Variants in FAM184B observed in about 807,000 individuals in gnomAD.
FAM184B encodes family with sequence similarity 184 member B.
Under a neutral mutation model 135.9 loss-of-function variants are expected in FAM184B, and 111 were observed. That is an observed-to-expected ratio of 0.82 (90% CI 0.70 to 0.96). FAM184B has a LOEUF of 0.96. Among genes scored for constraint, FAM184B ranks in the 40% least tolerant of loss-of-function variants. FAM184B has a pLI of 0.00. For missense variants in FAM184B, 1,375 were observed against 1,323.9 expected, an observed-to-expected ratio of 1.04 and a Z score of -0.60; for synonymous variants, 552 against 524.8, an observed-to-expected ratio of 1.05 and a Z score of -0.71.
intron 1 of FAM184B, among the ~76,000 whole-genome samples, chr4:17,749,752 G>A (rs1485541882): frequency 6.6e-6 from 1 of 152,038 alleles, no homozygotes; most frequent in Non-Finnish European, 1.5e-5. Context: ...TCAGTACAAA[G>A]GAATAGTCAT....
intron 1 of FAM184B, among the ~76,000 whole-genome samples, chr4:17,778,056 G>A (rs1271168467): frequency 6.6e-6 from 1 of 151,468 alleles, no homozygotes; most frequent in Non-Finnish European, 1.5e-5. Flanking sequence ...GGGTGACGTA[G>A]TGAGACACTG....
rs1184909816 is a variant in FAM184B, at chr4:17,708,969, C to T, written c.817G>A (p.Glu273Lys). 1.9e-5 allele frequency: 30 copies of T among 1,550,682 alleles called. No homozygotes were observed. The highest frequency in any genetic ancestry group is 2.6e-5 in the Non-Finnish European group (30 of 1,146,778). Residue 273 changes from glutamate to lysine, a missense_variant, in exon 2 of 18, where the codon GAA becomes AAA. Transcript: ENST00000265018. ...SALQAQVRKLEGDLEHRGRKI... is the reference protein window; with the variant it reads ...SALQAQVRKLKGDLEHRGRKI... ...CGGCCTCTGTGCTCCAGGTCTCCTT[C>T]CAGCTTCCGGACCTGAGCCTGCAGG...
intron 1 of FAM184B, among the ~76,000 whole-genome samples, chr4:17,727,644 T>C (rs570575536): frequency 4.6e-5 from 7 of 152,178 alleles, no homozygotes; most frequent in Non-Finnish European, 1.0e-4. Context: ...CATCAGATCT[T>C]GTGAGAACTC....
chr4:17,633,814 CAG>C lies in FAM184B; in HGVS notation c.2962_2963del (p.Leu988GlufsTer9), dbSNP rs1560162235. 5.8e-6 allele frequency: 9 copies of C among 1,551,560 alleles called. No individual in the cohort carries two copies. In the East Asian group the frequency reaches 7.3e-5, roughly 13 times the overall value. On this transcript the variant is annotated frameshift_variant, in exon 17 of 18. Transcript: ENST00000265018. LOFTEE classifies it high-confidence loss of function. ...PNLASYAKNF[L>X]SGDLSSRINA... ...TAATCCTGGAACTCAGATCGCCACT[CAG>C]AAAGTTCTTTGCATAGGAGGCGAGG...
chr4:17,748,103 G>GAA (rs58795222), intron 1 of FAM184B, among the ~76,000 whole-genome samples: 1,876 of 69,986 alleles, frequency 0.027, 106 homozygotes, highest in African/African-American at 0.092. Context: ...GACTCCGTCT[G>GAA]AAAAAAAAAA....
chr4:17,638,034 T>C (rs1472800555), intron 14 of FAM184B, among the ~76,000 whole-genome samples: 2 of 151,526 alleles, frequency 1.3e-5, no homozygotes, highest in East Asian at 3.9e-4. Flanking sequence ...TCCTTGTACT[T>C]AAACATCACC....
intron 1 of FAM184B, among the ~76,000 whole-genome samples, chr4:17,718,442 A>G (rs1717444629): frequency 6.6e-6 from 1 of 152,216 alleles, no homozygotes; most frequent in Non-Finnish European, 1.5e-5. Context: ...AGAACAAATA[A>G]GACCATTCTG....
chr4:17,648,371 G>A (rs565767228), intron 11 of FAM184B, among the ~76,000 whole-genome samples: 44 of 152,006 alleles, frequency 2.9e-4, no homozygotes, highest in Middle Eastern at 6.8e-3. Context: ...TTTTGAGATG[G>A]AGTCTCGGTT....
At position 17,693,399 on chromosome 4, in the gene FAM184B, T is replaced by G. The variant is rs943722402; in HGVS notation, c.1391A>C (p.Gln464Pro). Reference protein sequence around the residue: ...RKKLQREVEAQLEEVRKKSEK... With the variant: ...RKKLQREVEAPLEEVRKKSEK... ...TGATTTCTTCCTCACTTCCTCCAAC[T>G]GTGCTTCTACTTCCTAAATGATGAT... Residue 464 changes from glutamine (Q) to proline (P), a missense_variant, in exon 6 of 18, where the codon CAG becomes CCG. Gln to Pro is a moderately conservative substitution (Grantham distance 76, BLOSUM62 -1). Transcript: ENST00000265018. 2 of 1,551,476 alleles carry G rather than the reference T, an allele frequency of 1.3e-6. No individual in the cohort carries two copies. The highest frequency in any genetic ancestry group is 2.7e-5 in the African/African-American group (2 of 73,046).
In FAM184B at chr4:17,631,812, G is replaced by T. The variant is rs1577237035; in HGVS notation, c.*720C>A. On this transcript the variant is annotated 3_prime_UTR_variant, in exon 18 of 18. Coordinates refer to ENST00000265018, the MANE Select transcript of FAM184B (RefSeq NM_015688.2). ...ATTTGTCTTCCTATTGAGGTTAGAT[G>T]TGCATTTTGGAATTGCATCATTTTA... 1.3e-5 allele frequency: 2 copies of T among 152,230 alleles called. No individual in the cohort carries two copies. Among genetic ancestry groups the T allele is most frequent in the Admixed American group, 1.3e-4 (2 of 15,288 alleles). The allele number at this position is 152,230 out of a possible 1,614,324, so 9.4% of individuals were successfully genotyped here.
chr4:17,759,071 T>G (rs1193804569), intron 1 of FAM184B, among the ~76,000 whole-genome samples: 2 of 152,214 alleles, frequency 1.3e-5, no homozygotes, highest in East Asian at 3.8e-4. Flanking sequence ...CCTTTGAGAT[T>G]CTAAAGAAGT....
At chr4:17,705,576 G>T (rs1717090690) in intron 4 of FAM184B, among the ~76,000 whole-genome samples, 176 bp downstream of exon 4, 1 of 152,206 alleles carries the variant, frequency 6.6e-6, no homozygotes, top group Non-Finnish European at 1.5e-5. Flanking sequence ...CAGTCTCCTG[G>T]TTTCCAGTAG....
chr4:17,740,820 T>C (rs1387165879), intron 1 of FAM184B, among the ~76,000 whole-genome samples: 1 of 152,236 alleles, frequency 6.6e-6, no homozygotes, highest in African/African-American at 2.4e-5. Flanking sequence ...TTTTATGTGG[T>C]GTCTTTCTTT....
intron 7 of FAM184B, among the ~76,000 whole-genome samples, chr4:17,670,089 T>A (rs143519420): frequency 6.6e-6 from 1 of 152,242 alleles, no homozygotes; most frequent in East Asian, 1.9e-4. Context: ...TAGAAAGCAA[T>A]AAGAAGGTAG....
chr4:17,761,980 G>T (rs1012521168), intron 1 of FAM184B, among the ~76,000 whole-genome samples: 1 of 152,084 alleles, frequency 6.6e-6, no homozygotes, highest in Non-Finnish European at 1.5e-5. Context: ...GATCTCAGGC[G>T]CTCTCTCTTT....
At chr4:17,670,787 G>A (rs963475853) in intron 7 of FAM184B, among the ~76,000 whole-genome samples, 4 of 152,142 alleles carry the variant, frequency 2.6e-5, no homozygotes, top group Non-Finnish European at 4.4e-5. Flanking sequence ...GCCACTGGAG[G>A]GTGGCACAAA....
intron 1 of FAM184B, among the ~76,000 whole-genome samples, chr4:17,733,310 C>A (rs1316611385): frequency 3.9e-5 from 6 of 152,176 alleles, no homozygotes; most frequent in Non-Finnish European, 7.3e-5. Context: ...CACTACTATT[C>A]AACATAGTGT....
intron 1 of FAM184B, among the ~76,000 whole-genome samples, chr4:17,719,380 C>A (rs1306993762): frequency 1.3e-5 from 2 of 152,196 alleles, no homozygotes; most frequent in African/African-American, 4.8e-5. Context: ...CTCACAACGA[C>A]AAATAATTTA....
intron 1 of FAM184B, among the ~76,000 whole-genome samples, chr4:17,712,240 G>A (rs959191434): frequency 2.0e-5 from 3 of 152,136 alleles, no homozygotes; most frequent in Non-Finnish European, 4.4e-5. Flanking sequence ...TGATGACAAG[G>A]CCAAGTGGCA....
Sources: gnomAD v4.1 joint callset for allele counts (sites outside exome capture counted in the v4.1 genomes callset) on GRCh38, gnomAD v4.1.1 for gene constraint, MANE v1.5 for transcripts, NCBI Gene and HGNC (gene_info 2026-07-23, HGNC 2026-07-21) for gene names.